Variants in CCDC186 observed in about 807,000 individuals in gnomAD.
The protein encoded by CCDC186 is coiled-coil domain-containing protein 186.
Under a neutral mutation model 113.7 loss-of-function variants are expected in CCDC186, and 49 were observed. The observed-to-expected ratio is 0.43, with a 90% CI of 0.34 to 0.55. The LOEUF (loss-of-function observed/expected upper bound fraction) is 0.55, where lower values mean the gene tolerates loss of function less well. Ranked by LOEUF, CCDC186 falls within the 20% of genes least tolerant of loss-of-function variation. The pLI, the probability that CCDC186 is intolerant of heterozygous loss-of-function variation, is 0.02. For synonymous variants in CCDC186, 355 were observed against 345.8 expected (o/e 1.03, Z -0.30); for missense variants, 890 against 1,011.1 (o/e 0.88, Z 1.62).
chr10:114,143,504 ATCC>A (rs2031542611), intron 6 of CCDC186, among the ~76,000 whole-genome samples: 1 of 152,160 alleles, frequency 6.6e-6, no homozygotes, highest in Non-Finnish European at 1.5e-5. Context: ...AGAGACTGTC[ATCC>A]TCCTCCTTTC....
chr10:114,155,212 T>C (rs2031974826), intron 3 of CCDC186, among the ~76,000 whole-genome samples: 1 of 152,304 alleles, frequency 6.6e-6, no homozygotes, highest in Non-Finnish European at 1.5e-5. Context: ...TTAAAATAAG[T>C]GAACTGTGTG....
chr10:114,160,955 T>C (rs1564917365), intron 2 of CCDC186, among the ~76,000 whole-genome samples: 1 of 152,206 alleles, frequency 6.6e-6, no homozygotes, highest in Non-Finnish European at 1.5e-5. Context: ...GTAAGTATTG[T>C]CACTCTAAGG....
At chr10:114,142,750 C>T (rs543580556) in intron 6 of CCDC186, among the ~76,000 whole-genome samples, 20 of 152,258 alleles carry the variant, frequency 1.3e-4, no homozygotes, top group Admixed American at 5.2e-4. Context: ...AGCTACAGGA[C>T]TGCAGTATTA....
chr10:114,145,408 G>A, intron 5 of CCDC186, 141 bp downstream of exon 5: 3 of 745,622 alleles, frequency 4.0e-6, no homozygotes, highest in Non-Finnish European at 6.1e-6. Context: ...AAAATTCATG[G>A]TTTTAGAAGG....
rs543283086 is a variant in CCDC186, at chr10:114,163,447, T to C, written c.-61-118A>G. The C allele has an allele frequency of 1.3e-4, 106 of 827,430 alleles. No homozygotes were observed. In the South Asian group the frequency reaches 2.2e-3, roughly 18 times the overall value. The allele number at this position is 827,430 out of a possible 1,614,324, so 51.3% of individuals were successfully genotyped here. ...ACAAATTTTATCACTAACAATTCCT[T>C]TAAAAGCCTGTCCTTGAGAAAAAAG... is the stretch of plus-strand genomic sequence containing the variant. On this transcript the variant is annotated intron_variant, in intron 1 of 15. Coordinates refer to ENST00000369287, the MANE Select transcript of CCDC186 (RefSeq NM_018017.4).
At chr10:114,148,085 T>C (rs1171768355) in intron 4 of CCDC186, among the ~76,000 whole-genome samples, 3 of 152,164 alleles carry the variant, frequency 2.0e-5, no homozygotes, top group African/African-American at 7.2e-5. Context: ...CAGTTAGCCA[T>C]GATTGCACCA....
intron 2 of CCDC186, 64 bp from the exon 3 acceptor site, chr10:114,157,744 A>C (rs1310583775): frequency 7.7e-7 from 1 of 1,298,486 alleles, no homozygotes; most frequent in East Asian, 2.4e-5. Flanking sequence ...TAATATGTGG[A>C]ATATAATTTC....
intron 1 of CCDC186, chr10:114,168,148 T>TA (rs1312231540): frequency 6.6e-6 from 1 of 152,190 alleles, no homozygotes; most frequent in Non-Finnish European, 1.5e-5. Context: ...TTTTCTCCCT[T>TA]AGAGTTGTTT....
intron 14 of CCDC186, among the ~76,000 whole-genome samples, chr10:114,127,040 G>C (rs1317151460): frequency 6.6e-6 from 1 of 151,844 alleles, no homozygotes; most frequent in Non-Finnish European, 1.5e-5. Flanking sequence ...CAATCAATGA[G>C]ATACCGCCAA....
chr10:114,142,835 G>A (rs750647297), intron 6 of CCDC186, among the ~76,000 whole-genome samples: 6 of 152,268 alleles, frequency 3.9e-5, no homozygotes, highest in Non-Finnish European at 5.9e-5. Context: ...TAAGTGTCTC[G>A]TGTCTCTTGC....
intron 6 of CCDC186, 54 bp downstream of exon 6, chr10:114,144,443 A>G (rs2031572018): frequency 1.3e-6 from 2 of 1,557,922 alleles, no homozygotes; most frequent in Non-Finnish European, 1.7e-6. Flanking sequence ...AAAAACAAAA[A>G]CAAAAACAAA....
chr10:114,164,962 T>C (rs2032293795), intron 1 of CCDC186, among the ~76,000 whole-genome samples: 1 of 152,204 alleles, frequency 6.6e-6, no homozygotes, highest in South Asian at 2.1e-4. Flanking sequence ...CATAGTGGGT[T>C]CTCAAATATT....
At chr10:114,143,830 T>C (rs1239794238) in intron 6 of CCDC186, among the ~76,000 whole-genome samples, 2 of 152,210 alleles carry the variant, frequency 1.3e-5, no homozygotes, top group Non-Finnish European at 2.9e-5. Flanking sequence ...TAAGTCACAA[T>C]TCAGAGTTGT....
In CCDC186 at chr10:114,127,455, A is replaced by G; in HGVS notation, c.2393+6T>C. 1 of 1,612,120 alleles carries G rather than the reference A, an allele frequency of 6.2e-7. No individual in the cohort carries two copies. Among genetic ancestry groups the G allele is most frequent in the Non-Finnish European group, 8.5e-7 (1 of 1,178,560 alleles). ...AGACCGATCATGCTACCGTAATAATACATACTTTGTTTTTTTCCTAATTTC... is the reference window on the plus strand; with the variant it reads ...AGACCGATCATGCTACCGTAATAATGCATACTTTGTTTTTTTCCTAATTTC... On this transcript the variant is annotated splice_donor_region_variant and intron_variant, in intron 14 of 15. Transcript: ENST00000369287.
At chr10:114,165,953 T>C in intron 1 of CCDC186, 2 of 984,386 alleles carry the variant, frequency 2.0e-6, no homozygotes, top group Non-Finnish European at 2.4e-6. Flanking sequence ...GAGAAAACAA[T>C]GAGTTTGTGA....
At chr10:114,147,421 G>A (rs1168633763) in intron 4 of CCDC186, among the ~76,000 whole-genome samples, 1 of 152,138 alleles carries the variant, frequency 6.6e-6, no homozygotes, top group Non-Finnish European at 1.5e-5. Flanking sequence ...TAAAGGCTAA[G>A]CAGAATTCTA....
At position 114,131,160 on chromosome 10, in the gene CCDC186, T is replaced by C. The variant is rs758817093; in HGVS notation, c.2088A>G (p.Lys696=). 6.5e-7 allele frequency: 1 copy of C among 1,541,356 alleles called. No individual in the cohort carries two copies. The highest frequency in any genetic ancestry group is 1.3e-5 in the South Asian group (1 of 79,202). The part of the protein sequence containing the change: ...KHASSIKDLT[K]QLQQARRKLD... The stretch of plus-strand genomic sequence containing the variant: ...AGAATTTTATACCTTGCTGAAGTTG[T>C]TTGGTGAGATCCTTGATACTAGAGG... The change falls in exon 12 of 16, where the codon AAA becomes AAG. Residue 696 remains lysine, a synonymous_variant. Transcript: ENST00000369287.
In CCDC186 at chr10:114,163,053, A is replaced by G; in HGVS notation, c.216T>C (p.Asp72=). The change falls in exon 2 of 16, where the codon GAT becomes GAC. Residue 72 remains aspartate (D), a synonymous_variant. Transcript: ENST00000369287. ...RIEAQENYIP[D]HGGGEDSCAK... ...CACAAGAATCCTCACCTCCACCATG[A>G]TCTGGAATATAATTTTCCTGGGCTT... 6.2e-7 allele frequency: 1 copy of G among 1,614,120 alleles called. No homozygotes were observed. Among genetic ancestry groups the G allele is most frequent in the Non-Finnish European group, 8.5e-7 (1 of 1,180,004 alleles).
intron 9 of CCDC186, among the ~76,000 whole-genome samples, chr10:114,135,622 A>T (rs772581788): frequency 6.6e-6 from 1 of 152,210 alleles, no homozygotes; most frequent in Non-Finnish European, 1.5e-5. Flanking sequence ...GACTGCCTTT[A>T]GATGAGAAGC....
Sources: allele counts gnomAD v4.1 joint callset (sites outside exome capture counted in the v4.1 genomes callset), GRCh38; gene constraint gnomAD v4.1.1; transcripts MANE v1.5; gene names NCBI Gene and HGNC (gene_info 2026-07-23, HGNC 2026-07-21).